The following HEPHL1 variants were observed in gnomAD, a reference collection of about 807,000 sequenced individuals.
HEPHL1 encodes the protein ferroxidase HEPHL1.
A neutral mutation model predicts 122.0 loss-of-function variants in HEPHL1; 123 were observed. The observed-to-expected ratio is 1.01, with a 90% CI of 0.87 to 1.17. HEPHL1 has a LOEUF of 1.17. Among genes scored for constraint, HEPHL1 ranks in the 50% most tolerant of loss-of-function variants. The pLI, the probability that HEPHL1 is intolerant of heterozygous loss-of-function variation, is 0.00. For synonymous variants in HEPHL1, 527 were observed against 508.9 expected (o/e 1.04, Z -0.48); for missense variants, 1,452 against 1,430.5 (o/e 1.01, Z -0.24).
chr11:94,096,146 G>A (rs1340098407), intron 13 of HEPHL1, among the ~76,000 whole-genome samples: 2 of 152,170 alleles, frequency 1.3e-5, no homozygotes, highest in African/African-American at 4.8e-5. Flanking sequence ...GTATGATATT[G>A]GCTGTCGGTT....
At chr11:94,038,744 C>T (rs1487819701) in intron 1 of HEPHL1, among the ~76,000 whole-genome samples, 43 of 139,020 alleles carry the variant, frequency 3.1e-4, no homozygotes, top group African/African-American at 8.2e-4. Flanking sequence ...AAGGAACAAC[C>T]GGTACCAGCC....
In HEPHL1 at chr11:94,086,031, A is replaced by T. The variant is rs1003253163; in HGVS notation, c.1922A>T (p.Asp641Val). Reference protein sequence around the residue: ...NQPGLNMCKRDRVSWHLIGLG... With the variant: ...NQPGLNMCKRVRVSWHLIGLG... ...CCAGGCTTAAACATGTGTAAAAGGG[A>T]TAGAGTTTCCTGGCATCTGATTGGA... Residue 641 changes from aspartate to valine, a missense_variant, in exon 11 of 20, where the codon GAT becomes GTT. Transcript: ENST00000315765. The T allele has an allele frequency of 6.2e-7, 1 of 1,613,814 alleles. No homozygotes were observed. Among genetic ancestry groups the T allele is most frequent in the African/African-American group, 1.3e-5 (1 of 74,900 alleles).
At chr11:94,101,431 T>A in intron 14 of HEPHL1, 96 bp downstream of exon 14, 2 of 1,203,764 alleles carry the variant, frequency 1.7e-6, no homozygotes, top group Non-Finnish European at 2.3e-6. Flanking sequence ...CATCTTAATG[T>A]CAATGTGTTT....
intron 15 of HEPHL1, among the ~76,000 whole-genome samples, chr11:94,103,690 A>G (rs1180675102): frequency 6.6e-6 from 1 of 152,202 alleles, no homozygotes; most frequent in Non-Finnish European, 1.5e-5. Flanking sequence ...GTCCAATCTA[A>G]AGTCGTTATT....
chr11:94,093,969 C>CATATATATATATAT (rs1946283813), intron 13 of HEPHL1, among the ~76,000 whole-genome samples: 2 of 50,716 alleles, frequency 3.9e-5, no homozygotes, highest in Admixed American at 2.0e-4. Flanking sequence ...AATCCTCCAG[C>CATATATATATATAT]AGATATATAT....
chr11:94,102,844 A>T lies in HEPHL1; in HGVS notation c.2576-70A>T, dbSNP rs1591489312. 5 of 782,034 alleles carry T rather than the reference A, an allele frequency of 6.4e-6. No homozygotes were observed. In the Admixed American group the frequency reaches 1.1e-4, roughly 17 times the overall value. The allele number at this position is 782,034 out of a possible 1,614,324, so 48.4% of individuals were successfully genotyped here. A position where few individuals can be genotyped will look rare whatever the true frequency, so the allele number is the denominator to read the frequency against. ...AATGAAAATATATAAAGACCTGCTTATATTTCTTCAGATAAATCATCTGAA... is the reference window on the plus strand; with the variant it reads ...AATGAAAATATATAAAGACCTGCTTTTATTTCTTCAGATAAATCATCTGAA... On this transcript the variant is annotated intron_variant, in intron 14 of 19. Transcript: ENST00000315765.
intron 18 of HEPHL1, 130 bp from the exon 19 acceptor site, chr11:94,111,407 A>G (rs145031840): frequency 2.6e-6 from 2 of 769,582 alleles, no homozygotes; most frequent in Non-Finnish European, 4.4e-6. Context: ...GAAGTAGCAC[A>G]GTAAGAATCC....
chr11:94,021,598 G>A (rs1016300068), intron 1 of HEPHL1, 60 bp downstream of exon 1: 2 of 1,327,692 alleles, frequency 1.5e-6, no homozygotes, highest in Non-Finnish European at 2.1e-6. Context: ...ACTTTGTGTG[G>A]GGAAGGTTGT....
chr11:94,056,028 A>C (rs1945933393), intron 2 of HEPHL1: 2 of 612,942 alleles, frequency 3.3e-6, no homozygotes, highest in Non-Finnish European at 5.3e-6. Context: ...TCTTTAAATT[A>C]AGTCAGTTTT....
chr11:94,060,095 TATATATATATATATATATATATA>T lies in HEPHL1; in HGVS notation c.416-3412_416-3390del, dbSNP rs1945972826. 3.1e-4 allele frequency among the ~76,000 whole-genome samples: 42 copies of T among 135,946 alleles called. 3 individuals carry two copies. Among genetic ancestry groups the T allele is most frequent in the Admixed American group, 9.2e-4 (13 of 14,128 alleles). The allele number at this position is 135,946 out of a possible 152,430, so 89.2% of individuals were successfully genotyped here. ...AATACCACTCAGTCATATTTTATTA[TATATATATATATATATATATATA>T]TATATATATATATATATATATATAT... On this transcript the variant is annotated intron_variant, in intron 2 of 19. Coordinates refer to ENST00000315765, the MANE Select transcript of HEPHL1 (RefSeq NM_001098672.2).
At chr11:94,059,547 G>T (rs576567907) in intron 2 of HEPHL1, among the ~76,000 whole-genome samples, 2 of 152,172 alleles carry the variant, frequency 1.3e-5, no homozygotes, top group South Asian at 4.2e-4. Flanking sequence ...AGTTTTAAAA[G>T]CTCACACAGC....
intron 2 of HEPHL1, among the ~76,000 whole-genome samples, chr11:94,046,718 G>T (rs1945842880): frequency 1.3e-5 from 2 of 151,786 alleles, no homozygotes; most frequent in African/African-American, 4.8e-5. Flanking sequence ...TTTCATTAGG[G>T]CAGTTTCTGG....
At chr11:94,035,601 G>C (rs559681051) in intron 1 of HEPHL1, among the ~76,000 whole-genome samples, 1 of 152,128 alleles carries the variant, frequency 6.6e-6, no homozygotes, top group Admixed American at 6.5e-5. Context: ...CCATTAACTC[G>C]TCATTTACAT....
At chr11:94,065,791 C>T (rs1480798881) in intron 4 of HEPHL1, among the ~76,000 whole-genome samples, 1 of 152,114 alleles carries the variant, frequency 6.6e-6, no homozygotes, top group Non-Finnish European at 1.5e-5. Context: ...GACTCACCTG[C>T]CCAAATAATT....
Position 94,045,820 on chromosome 11 carries a change from C to G in HEPHL1, c.318C>G (p.Ala106=), listed in dbSNP as rs576118929. The G allele has an allele frequency of 1.2e-6, 2 of 1,613,888 alleles. No homozygotes were observed. Among genetic ancestry groups the G allele is most frequent in the Non-Finnish European group, 8.5e-7 (1 of 1,179,854 alleles). The change falls in exon 2 of 20, where the codon GCC becomes GCG. Residue 106 remains alanine, a synonymous_variant. Transcript: ENST00000315765. The part of the protein sequence containing the change: ...WLGFLGPILR[A]EVGDVIVIHL... ...GATTCCTGGGCCCCATCTTGAGGGC[C>G]GAAGTGGGTGATGTGATTGTCATTC... is the stretch of plus-strand genomic sequence containing the variant.
At position 94,067,748 on chromosome 11, in the gene HEPHL1, A is replaced by G; in HGVS notation, c.1061A>G (p.Gln354Arg). ...ACCTGCCAGGTCAGCGACCACCTAC[A>G]AGGTAAAAAGGATAAAGACCAGAGT... is the stretch of plus-strand genomic sequence containing the variant. ...MITCQVSDHL[Q>R]AGMLGQYNVD... is the part of the protein sequence containing the mutation. The change falls in exon 5 of 20, where the codon CAA (glutamine) becomes CGA (arginine). Residue 354 changes from glutamine (Q) to arginine (R), a missense_variant and splice_region_variant. Gln to Arg is a conservative substitution (Grantham distance 43, BLOSUM62 1). Coordinates refer to ENST00000315765, the MANE Select transcript of HEPHL1 (RefSeq NM_001098672.2). 6.2e-7 allele frequency: 1 copy of G among 1,613,268 alleles called. No homozygotes were observed. The highest frequency in any genetic ancestry group is 1.1e-5 in the South Asian group (1 of 91,064).
intron 12 of HEPHL1, among the ~76,000 whole-genome samples, chr11:94,091,339 G>T (rs1946262750): frequency 6.6e-6 from 1 of 152,164 alleles, no homozygotes; most frequent in Non-Finnish European, 1.5e-5. Flanking sequence ...ATTCCATGAG[G>T]TAGAGGAATT....
chr11:94,025,002 T>C (rs890152354), intron 1 of HEPHL1, among the ~76,000 whole-genome samples: 6 of 152,112 alleles, frequency 3.9e-5, no homozygotes, highest in African/African-American at 9.7e-5. Flanking sequence ...GGGAACAAGA[T>C]GGTGGGTGCC....
Position 94,088,770 on chromosome 11 carries a change from T to A in HEPHL1, c.2096T>A (p.Phe699Tyr). The change falls in exon 12 of 20, where the codon TTT becomes TAT. Residue 699 changes from phenylalanine (F) to tyrosine (Y), a missense_variant. By Grantham distance (22) the Phe-to-Tyr change is conservative (BLOSUM62 3). Transcript: ENST00000315765. ...TCTCTTGCAGGTATTTTTAGGGTGTTTTGTGCCACCATGCCCCACCTCTCG... is the reference window on the plus strand; with the variant it reads ...TCTCTTGCAGGTATTTTTAGGGTGTATTGTGCCACCATGCCCCACCTCTCG... The part of the protein sequence containing the change: ...QPDHAGIFRV[F>Y]CATMPHLSRG... 2.5e-6 allele frequency: 4 copies of A among 1,613,468 alleles called. No homozygotes were observed. The highest frequency in any genetic ancestry group is 3.4e-6 in the Non-Finnish European group (4 of 1,179,612).
Sources: allele counts gnomAD v4.1 joint callset (sites outside exome capture counted in the v4.1 genomes callset), GRCh38; gene constraint gnomAD v4.1.1; transcripts MANE v1.5; gene names NCBI Gene and HGNC (gene_info 2026-07-23, HGNC 2026-07-21).